The following RIBC1 variants were observed in gnomAD, a reference collection of about 807,000 sequenced individuals.
RIBC1 encodes RIB43A domain with coiled-coils 1.
RIBC1 carries 12 observed loss-of-function variants against 33.7 expected under a neutral mutation model. The ratio of observed to expected loss-of-function variants is 0.36; its 90% CI spans 0.23 to 0.58. The LOEUF (loss-of-function observed/expected upper bound fraction) is 0.58. Ranked by LOEUF, RIBC1 falls within the 20% of genes least tolerant of loss-of-function variation. RIBC1 has a pLI of 0.81. For missense variants in RIBC1, 242 were observed against 311.6 expected (o/e 0.78, Z 1.68); for synonymous variants, 89 against 109.0 (o/e 0.82, Z 1.14).
At chrX:53,425,720 G>A (rs1385968015) in intron 2 of RIBC1, among the ~76,000 whole-genome samples, 4 of 110,837 alleles carry the variant, frequency 3.6e-5, no homozygotes, top group African/African-American at 1.3e-4. Context: ...GGGAAAGGAA[G>A]GATTAAAGGA....
intron 5 of RIBC1, chrX:53,428,895 G>A: frequency 2.0e-5 from 18 of 896,460 alleles, no homozygotes; most frequent in Non-Finnish European, 2.6e-5. Flanking sequence ...CTTACTAGCT[G>A]GTTTGGGCAA....
At chrX:53,429,676 G>A (rs1044106073) in intron 5 of RIBC1, 178 bp from the exon 6 acceptor site, 10 of 1,030,009 alleles carry the variant, frequency 9.7e-6, no homozygotes, top group East Asian at 3.4e-5. Flanking sequence ...TTAGTTATGC[G>A]CTTGAGAAAT....
At chrX:53,426,126 A>T in intron 2 of RIBC1, 151 bp from the exon 3 acceptor site, 1 of 436,620 alleles carries the variant, frequency 2.3e-6, no homozygotes, top group African/African-American at 2.4e-5. Context: ...GACAGCAGAG[A>T]TGGAGGGCAC....
intron 4 of RIBC1, 22 bp downstream of exon 4, chrX:53,428,106 C>T: frequency 8.3e-7 from 1 of 1,202,964 alleles, no homozygotes; most frequent in Non-Finnish European, 1.1e-6. Flanking sequence ...AAGCCAGGGG[C>T]CAGACAAGGG....
intron 2 of RIBC1, among the ~76,000 whole-genome samples, chrX:53,425,820 G>T (rs1224622611): frequency 1.8e-4 from 20 of 112,416 alleles, no homozygotes; most frequent in Non-Finnish European, 1.1e-4. Flanking sequence ...AATGAAAAAG[G>T]AGTGTTGTAG....
intron 3 of RIBC1, among the ~76,000 whole-genome samples, 187 bp from the exon 4 acceptor site, chrX:53,427,816 A>G (rs375742447): frequency 3.6e-5 from 4 of 112,646 alleles, no homozygotes; most frequent in Non-Finnish European, 5.6e-5. Flanking sequence ...AGATGAGGCC[A>G]GAGAAGGAGG....
At chrX:53,423,952 A>G (rs1162099732) in intron 2 of RIBC1, among the ~76,000 whole-genome samples, 1 of 110,951 alleles carries the variant, frequency 9.0e-6, no homozygotes, top group Non-Finnish European at 1.9e-5. Flanking sequence ...GGCAGCTCTC[A>G]CCTCTGGTCT....
chrX:53,427,903 C>A, intron 3 of RIBC1, 100 bp from the exon 4 acceptor site: 2 of 676,344 alleles, frequency 3.0e-6, no homozygotes, highest in Non-Finnish European at 4.7e-6. Flanking sequence ...TGGGGAGCTA[C>A]AGGATTCTGA....
chrX:53,429,814 G>A lies in RIBC1; in HGVS notation c.545-40G>A, dbSNP rs202187043. On this transcript the variant is annotated intron_variant, in intron 5 of 7. Transcript: ENST00000375327. ...GCTGGATGAGTGAAACAGGAATGGA[G>A]CAAGCCAGTACAGTACCCCGGCCAT... 6.4e-5 allele frequency: 76 copies of A among 1,179,989 alleles called. No homozygotes were observed. In the Middle Eastern group the frequency reaches 3.6e-3, roughly 55 times the overall value.
chrX:53,428,144 G>A (rs782678358), intron 4 of RIBC1, 60 bp downstream of exon 4: 1 of 1,194,484 alleles, frequency 8.4e-7, no homozygotes, highest in Admixed American at 2.2e-5. Flanking sequence ...AGTGGGCTGA[G>A]GTAGGGCAGT....
intron 6 of RIBC1, 143 bp from the exon 7 acceptor site, chrX:53,430,253 A>G (rs1426134044): frequency 5.7e-6 from 3 of 522,976 alleles, no homozygotes; most frequent in Non-Finnish European, 9.3e-6. Context: ...ATTCTCCCCA[A>G]CACATATTAG....
intron 4 of RIBC1, 30 bp downstream of exon 4, chrX:53,428,114 G>A (rs782323510): frequency 8.3e-7 from 1 of 1,202,902 alleles, no homozygotes; most frequent in Non-Finnish European, 1.1e-6. Flanking sequence ...GGCCAGACAA[G>A]GGTGTAAAGA....
chrX:53,426,165 C>A (rs1380611740), intron 2 of RIBC1, 112 bp from the exon 3 acceptor site: 3 of 509,132 alleles, frequency 5.9e-6, no homozygotes, highest in Non-Finnish European at 1.0e-5. Context: ...GAAGTAAAAT[C>A]AGTAGGAATC....
At chrX:53,427,925 T>C in intron 3 of RIBC1, 78 bp from the exon 4 acceptor site, 10 of 816,335 alleles carry the variant, frequency 1.2e-5, no homozygotes, top group African/African-American at 2.0e-5. Flanking sequence ...ACAGGTAAAT[T>C]CTAATTAGTT....
Position 53,429,937 on chromosome X carries a change from A to G in RIBC1, c.628A>G (p.Met210Val), listed in dbSNP as rs1349911250. ...GCTGGAGGAGTCCTGTCGTGCGGCC[A>G]TGATGTGTGCCATGGCCAACGCCAA... ...ARLEESCRAA[M>V]MCAMANANKA... Residue 210 changes from methionine to valine, a missense_variant, in exon 6 of 8, where the codon ATG becomes GTG. Coordinates refer to ENST00000375327, the MANE Select transcript of RIBC1 (RefSeq NM_001031745.5). The G allele has an allele frequency of 2.5e-6, 3 of 1,210,043 alleles. No individual in the cohort carries two copies. Among genetic ancestry groups the G allele is most frequent in the Non-Finnish European group, 2.2e-6 (2 of 893,724 alleles).
chrX:53,428,011 C>T lies in RIBC1; in HGVS notation c.126C>T (p.Val42=). The change falls in exon 4 of 8, where the codon GTC becomes GTT. Residue 42 remains valine (V), a synonymous_variant. Coordinates refer to ENST00000375327, the MANE Select transcript of RIBC1 (RefSeq NM_001031745.5). ...CCTTTCTTTGGGATCAGGTGGATGT[C>T]CAGGCCCTGAACAACCAGGTGGGAG... ...NVRNRVMGVD[V]QALNNQVGDR... 1 of 1,210,412 alleles carries T rather than the reference C, an allele frequency of 8.3e-7. No homozygotes were observed. The highest frequency in any genetic ancestry group is 1.8e-5 in the South Asian group (1 of 56,923).
At position 53,427,843 on chromosome X, in the gene RIBC1, G is replaced by A. The variant is rs781823987; in HGVS notation, c.118-160G>A. ...AGAAGGAGGCAGAGGCTAGACCATG[G>A]AGAGGCTTACAAACCATGCTCAGGA... On this transcript the variant is annotated intron_variant, in intron 3 of 7. Transcript: ENST00000375327. Among the ~76,000 whole-genome samples the A allele has an allele frequency of 1.3e-4, 15 of 112,509 alleles. No homozygotes were observed. The South Asian group carries it at 5.5e-3, about 41-fold the overall frequency.
At chrX:53,426,233 G>T (rs374080854) in intron 2 of RIBC1, 44 bp from the exon 3 acceptor site, 8 of 859,802 alleles carry the variant, frequency 9.3e-6, no homozygotes, top group Non-Finnish European at 1.4e-5. Flanking sequence ...AGTCAAAGAC[G>T]GTGGTCGGCA....
In RIBC1 at chrX:53,430,932, T is replaced by C; in HGVS notation, c.1084T>C (p.Tyr362His). The change falls in exon 8 of 8, where the codon TAC (tyrosine) becomes CAC (histidine). Residue 362 changes from tyrosine to histidine, a missense_variant. Tyr to His is a moderately conservative substitution (Grantham distance 83). Coordinates refer to ENST00000375327, the MANE Select transcript of RIBC1 (RefSeq NM_001031745.5). ...GCAGGATTACCTGAATTCAGTAATC[T>C]ACACCAATCAACCTACAGCCCAGTA... ...AQQDYLNSVI[Y>H]TNQPTAQYHQ... 2 of 1,211,206 alleles carry C rather than the reference T, an allele frequency of 1.7e-6. No homozygotes were observed. Among genetic ancestry groups the C allele is most frequent in the South Asian group, 3.5e-5 (2 of 56,980 alleles).
Sources: gnomAD v4.1 joint callset for allele counts (sites outside exome capture counted in the v4.1 genomes callset) on GRCh38, gnomAD v4.1.1 for gene constraint, MANE v1.5 for transcripts, NCBI Gene and HGNC (gene_info 2026-07-23, HGNC 2026-07-21) for gene names.